Variants in ERC1 observed in about 807,000 individuals in gnomAD.
The protein encoded by ERC1 is RAB6 interacting protein 2.
Under a neutral mutation model 132.0 loss-of-function variants are expected in ERC1, and 56 were observed. The observed-to-expected ratio is 0.42, with a 90% confidence interval of 0.34 to 0.53. The LOEUF (loss-of-function observed/expected upper bound fraction) is 0.53. Among genes scored for constraint, ERC1 ranks in the 20% least tolerant of loss-of-function variants. The probability of loss-of-function intolerance (pLI) is 0.03; values close to 1 mark genes in which losing one functional copy is unlikely to be tolerated. For missense variants in ERC1, 1,202 were observed against 1,349.9 expected (o/e 0.89, Z 1.72); for synonymous variants, 478 against 476.1 (o/e 1.00, Z -0.05).
At chr12:1,150,217 G>A (rs1218733850) in intron 8 of ERC1, among the ~76,000 whole-genome samples, 1 of 152,162 alleles carries the variant, frequency 6.6e-6, no homozygotes, top group African/African-American at 2.4e-5. Context: ...ACTTATATGT[G>A]GAAACTATCC....
At chr12:1,480,824 T>C (rs1336032543) in intron 18 of ERC1, 6 of 702,390 alleles carry the variant, frequency 8.5e-6, no homozygotes, top group African/African-American at 1.7e-5. Flanking sequence ...AAAATACATC[T>C]TTCCCAACTT....
intron 18 of ERC1, among the ~76,000 whole-genome samples, chr12:1,473,525 C>T (rs1170645509): frequency 1.3e-5 from 2 of 150,298 alleles, no homozygotes; most frequent in Admixed American, 6.7e-5. Context: ...GGCTACTCAG[C>T]GGTCTAAGGC....
intron 18 of ERC1, among the ~76,000 whole-genome samples, chr12:1,479,656 G>A (rs145622561): frequency 1.2e-4 from 18 of 152,258 alleles, no homozygotes; most frequent in African/African-American, 3.8e-4. Flanking sequence ...TTTTCAGGAC[G>A]GGCAGGATTC....
chr12:1,458,811 A>G (rs2093592376), intron 18 of ERC1, among the ~76,000 whole-genome samples: 1 of 152,118 alleles, frequency 6.6e-6, no homozygotes, highest in Admixed American at 6.5e-5. Flanking sequence ...GCATGTATGT[A>G]TTTTCTAACC....
At chr12:1,421,747 G>C (rs2092438270) in intron 17 of ERC1, among the ~76,000 whole-genome samples, 1 of 152,104 alleles carries the variant, frequency 6.6e-6, no homozygotes, top group Admixed American at 6.5e-5. Flanking sequence ...GCTGCGCACA[G>C]TGGCTCACGC....
At chr12:1,424,022 G>A (rs543041934) in intron 17 of ERC1, among the ~76,000 whole-genome samples, 7 of 151,866 alleles carry the variant, frequency 4.6e-5, no homozygotes, top group South Asian at 2.1e-4. Flanking sequence ...ATATGGTTTC[G>A]TGTGTGTATG....
chr12:1,329,293 CAA>C (rs537261329), intron 15 of ERC1, among the ~76,000 whole-genome samples: 35 of 83,322 alleles, frequency 4.2e-4, no homozygotes, highest in Non-Finnish European at 4.3e-4. Flanking sequence ...GACTCTGAAT[CAA>C]AAAAAAAAAA....
intron 8 of ERC1, among the ~76,000 whole-genome samples, chr12:1,178,916 A>G (rs1039893720): frequency 1.3e-5 from 2 of 152,202 alleles, no homozygotes; most frequent in Admixed American, 1.3e-4. Flanking sequence ...AGCAACTGGA[A>G]AAGTGCCTGA....
chr12:1,222,224 C>CTT (rs398116013), intron 12 of ERC1, among the ~76,000 whole-genome samples: 16,158 of 145,936 alleles, frequency 0.11, 1,131 homozygotes, highest in Non-Finnish European at 0.15. Flanking sequence ...TACATATTCT[C>CTT]TTTTTTTTTT....
At chr12:1,360,187 T>C (rs754429010) in intron 15 of ERC1, among the ~76,000 whole-genome samples, 5 of 152,240 alleles carry the variant, frequency 3.3e-5, no homozygotes, top group Non-Finnish European at 5.9e-5. Flanking sequence ...TTGTCTGTTT[T>C]ACTATTGACA....
chr12:1,262,712 AC>A (rs2077218363), intron 13 of ERC1, among the ~76,000 whole-genome samples: 1 of 152,192 alleles, frequency 6.6e-6, no homozygotes, highest in African/African-American at 2.4e-5. Context: ...TAGTTCAAAA[AC>A]AACTTTGTGC....
intron 8 of ERC1, among the ~76,000 whole-genome samples, chr12:1,151,053 C>T (rs1335257725): frequency 6.6e-6 from 1 of 152,208 alleles, no homozygotes; most frequent in East Asian, 1.9e-4. Flanking sequence ...CTCTGTATCA[C>T]CTTCTCTGTA....
intron 2 of ERC1, among the ~76,000 whole-genome samples, chr12:1,052,695 C>T (rs1039329471): frequency 1.3e-5 from 2 of 152,122 alleles, no homozygotes; most frequent in African/African-American, 4.8e-5. Flanking sequence ...GTCGGACAGG[C>T]GCGGTGGCTC....
At chr12:1,312,850 GTC>G (rs945999632) in intron 15 of ERC1, among the ~76,000 whole-genome samples, 4 of 151,976 alleles carry the variant, frequency 2.6e-5, no homozygotes, top group African/African-American at 9.7e-5. Context: ...GTCCCCTTCT[GTC>G]TCTCCTGCAG....
intron 12 of ERC1, among the ~76,000 whole-genome samples, chr12:1,227,041 T>G (rs1219472915): frequency 6.6e-6 from 1 of 152,224 alleles, no homozygotes; most frequent in African/African-American, 2.4e-5. Context: ...TCTTTATCCA[T>G]TCATCTGATG....
At chr12:1,134,269 GA>G (rs1293489364) in intron 7 of ERC1, among the ~76,000 whole-genome samples, 1 of 151,814 alleles carries the variant, frequency 6.6e-6, no homozygotes, top group African/African-American at 2.4e-5. Context: ...ATTTTAGGGG[GA>G]AAATACAGGT....
chr12:1,478,564 C>T (rs571541215), intron 18 of ERC1, among the ~76,000 whole-genome samples: 34 of 151,972 alleles, frequency 2.2e-4, no homozygotes, highest in African/African-American at 7.2e-4. Flanking sequence ...GAGGCCGAGG[C>T]GGGTGGATCA....
chr12:1,309,129 T>C (rs1259018679), intron 15 of ERC1, among the ~76,000 whole-genome samples: 2 of 152,234 alleles, frequency 1.3e-5, no homozygotes, highest in Non-Finnish European at 2.9e-5. Flanking sequence ...TTTTTGTTGT[T>C]TATAAGCTAC....
intron 2 of ERC1, among the ~76,000 whole-genome samples, chr12:1,048,488 T>G (rs148124784): frequency 1.3e-5 from 2 of 152,294 alleles, no homozygotes; most frequent in African/African-American, 4.8e-5. Context: ...CTCATTGGCT[T>G]CAGAGGATCT....
Sources: gnomAD v4.1 joint callset for allele counts (sites outside exome capture counted in the v4.1 genomes callset) on GRCh38, gnomAD v4.1.1 for gene constraint, MANE v1.5 for transcripts, NCBI Gene and HGNC (gene_info 2026-07-23, HGNC 2026-07-21) for gene names.